FSTL4: variants seen among roughly 807,000 people sequenced by gnomAD.
The protein encoded by FSTL4 is follistatin like 4, also known as follistatin-related protein 4.
Under a neutral mutation model 78.2 loss-of-function variants are expected in FSTL4, and 28 were observed. That is an observed-to-expected ratio of 0.36 (90% confidence interval 0.27 to 0.49). The LOEUF (loss-of-function observed/expected upper bound fraction) is 0.49, where lower values mean the gene tolerates loss of function less well. FSTL4 is among the 20% of genes least tolerant of loss of function. The pLI, the probability that FSTL4 is intolerant of heterozygous loss-of-function variation, is 0.98. For synonymous variants in FSTL4, 422 were observed against 440.5 expected (o/e 0.96, Z 0.53); for missense variants, 922 against 1,084.9 (o/e 0.85, Z 2.11).
chr5:133,353,507 G>T (rs1268841973), intron 4 of FSTL4, among the ~76,000 whole-genome samples: 1 of 152,128 alleles, frequency 6.6e-6, no homozygotes, highest in African/African-American at 2.4e-5. Flanking sequence ...AGTTTGGCAG[G>T]AGAGTGTGTG....
chr5:133,420,998 C>T (rs1319356597), intron 3 of FSTL4, among the ~76,000 whole-genome samples: 1 of 152,256 alleles, frequency 6.6e-6, no homozygotes, highest in African/African-American at 2.4e-5. Context: ...TCTCTGCTGC[C>T]TGCTTCTCAC....
At chr5:133,711,496 C>G in the FSTL4 span, among the ~76,000 whole-genome samples, 1 of 152,230 alleles carries the variant, frequency 6.6e-6, no homozygotes, top group Admixed American at 6.5e-5. Flanking sequence ...GACTTGCTAG[C>G]TAGCACCAGG....
At chr5:133,689,832 G>A in the FSTL4 span, among the ~76,000 whole-genome samples, 3 of 152,050 alleles carry the variant, frequency 2.0e-5, no homozygotes, top group Non-Finnish European at 2.9e-5. Context: ...AAGGATAGGC[G>A]GGTGGATCAC....
At chr5:133,379,209 T>C (rs1176344449) in intron 4 of FSTL4, among the ~76,000 whole-genome samples, 1 of 152,074 alleles carries the variant, frequency 6.6e-6, no homozygotes, top group Non-Finnish European at 1.5e-5. Flanking sequence ...ATTTGAAAGA[T>C]TTAATAGTTT....
intron 8 of FSTL4, among the ~76,000 whole-genome samples, chr5:133,232,149 CAA>C (rs1248080263): frequency 6.6e-6 from 1 of 152,100 alleles, no homozygotes; most frequent in Non-Finnish European, 1.5e-5. Context: ...GAGGTTTACC[CAA>C]AGTTATAAAT....
At chr5:133,664,590 A>G in the FSTL4 span, among the ~76,000 whole-genome samples, 4 of 152,192 alleles carry the variant, frequency 2.6e-5, no homozygotes, top group Non-Finnish European at 5.9e-5. Context: ...TCACCCTGCA[A>G]GTCCATATAT....
chr5:133,314,583 G>A (rs943720427), intron 5 of FSTL4, among the ~76,000 whole-genome samples: 12 of 152,042 alleles, frequency 7.9e-5, no homozygotes, highest in Non-Finnish European at 1.5e-4. Context: ...GTGCCTCTTG[G>A]TGGGAGCCAT....
rs1050562012 is a variant in FSTL4, at chr5:133,456,718, CA to C, written c.161-55733del. On this transcript the variant is annotated intron_variant, in intron 3 of 15. Transcript: ENST00000265342. ...CAAAACAAAACAAAACAAAACAAAA[CA>C]AAAAACCCTGAAGCACAAGTAACAC... is the stretch of plus-strand genomic sequence containing the variant. 8.1e-4 allele frequency among the ~76,000 whole-genome samples: 121 copies of C among 149,740 alleles called. 3 individuals carry two copies. Among genetic ancestry groups the C allele is most frequent in the Non-Finnish European group, 3.4e-4 (23 of 67,566 alleles).
the FSTL4 span, among the ~76,000 whole-genome samples, chr5:133,751,205 T>C: frequency 1.3e-5 from 2 of 152,172 alleles, no homozygotes; most frequent in African/African-American, 4.8e-5. Flanking sequence ...TCTCACTCCA[T>C]GCTTCTTCGA....
chr5:133,398,989 C>A (rs964990145), intron 4 of FSTL4, among the ~76,000 whole-genome samples: 1 of 152,172 alleles, frequency 6.6e-6, no homozygotes, highest in African/African-American at 2.4e-5. Context: ...AGGCTGCCTG[C>A]CCCCCGCTCC....
At chr5:133,520,861 G>C (rs573876903) in intron 3 of FSTL4, among the ~76,000 whole-genome samples, 37 of 152,126 alleles carry the variant, frequency 2.4e-4, no homozygotes, top group Non-Finnish European at 5.1e-4. Flanking sequence ...GGGTGGGTCT[G>C]AATCACTGGA....
the FSTL4 span, among the ~76,000 whole-genome samples, chr5:133,705,865 A>ACG: frequency 2.7e-3 from 354 of 133,122 alleles, 1 homozygote; most frequent in African/African-American, 0.011. Flanking sequence ...GCGCACACAC[A>ACG]CACGCACACA....
chr5:133,569,393 G>C (rs1760101873), intron 2 of FSTL4, among the ~76,000 whole-genome samples: 1 of 152,166 alleles, frequency 6.6e-6, no homozygotes, highest in South Asian at 2.1e-4. Context: ...CTGGCTTTTA[G>C]CCTGAGATAT....
At chr5:133,687,592 C>T in the FSTL4 span, among the ~76,000 whole-genome samples, 2 of 152,164 alleles carry the variant, frequency 1.3e-5, no homozygotes, top group African/African-American at 4.8e-5. Flanking sequence ...TTCCATTCTT[C>T]CTACTCACTA....
chr5:133,659,998 A>C, the FSTL4 span, among the ~76,000 whole-genome samples: 3 of 152,222 alleles, frequency 2.0e-5, no homozygotes, highest in South Asian at 4.1e-4. Context: ...TGACAAAAAG[A>C]AAGAGTTAGG....
At chr5:133,813,658 T>C in the FSTL4 span, among the ~76,000 whole-genome samples, 1 of 152,262 alleles carries the variant, frequency 6.6e-6, no homozygotes, top group African/African-American at 2.4e-5. Flanking sequence ...TCTTTTCCCC[T>C]ACATTTTTGC....
the FSTL4 span, among the ~76,000 whole-genome samples, chr5:133,721,773 A>G: frequency 2.6e-5 from 4 of 152,178 alleles, no homozygotes; most frequent in African/African-American, 7.2e-5. Flanking sequence ...TTTGGGCTAT[A>G]TCTATCTGGG....
the FSTL4 span, among the ~76,000 whole-genome samples, chr5:133,641,590 G>A: frequency 6.6e-6 from 1 of 152,092 alleles, no homozygotes; most frequent in Admixed American, 6.6e-5. Context: ...ATATTTGCAT[G>A]TTTGTGTATA....
the FSTL4 span, among the ~76,000 whole-genome samples, chr5:133,812,479 T>C: frequency 6.6e-6 from 1 of 152,242 alleles, no homozygotes; most frequent in East Asian, 1.9e-4. Context: ...CCAGGCTTGG[T>C]GAAGCCTTAG....
Sources: gnomAD v4.1 joint callset for allele counts (sites outside exome capture counted in the v4.1 genomes callset) on GRCh38, gnomAD v4.1.1 for gene constraint, MANE v1.5 for transcripts, NCBI Gene and HGNC (gene_info 2026-07-23, HGNC 2026-07-21) for gene names.